Variants in HYAL4 observed in about 807,000 individuals in gnomAD.
The protein encoded by HYAL4 is hyaluronidase-4.
A neutral mutation model predicts 35.2 loss-of-function variants in HYAL4; 37 were observed. The observed-to-expected ratio is 1.05, with a 90% CI of 0.81 to 1.38. The LOEUF is 1.38. Among genes scored for constraint, HYAL4 ranks in the 40% most tolerant of loss-of-function variants. HYAL4 has a pLI of 0.00. For synonymous variants in HYAL4, 198 were observed against 203.2 expected (o/e 0.97, Z 0.22); for missense variants, 572 against 572.4 (o/e 1.00, Z 0.01).
At chr7:123,855,685 C>T (rs1398143937) in intron 2 of HYAL4, among the ~76,000 whole-genome samples, 1 of 152,016 alleles carries the variant, frequency 6.6e-6, no homozygotes, top group African/African-American at 2.4e-5. Context: ...CTTGGGGTTG[C>T]TCTTCTCGAG....
chr7:123,858,944 A>G (rs1806520743), intron 2 of HYAL4, among the ~76,000 whole-genome samples: 3 of 152,204 alleles, frequency 2.0e-5, no homozygotes, highest in Admixed American at 2.0e-4. Context: ...GACGTAATTC[A>G]AAGAAAGCAA....
At chr7:123,857,860 G>T (rs1806489009) in intron 2 of HYAL4, among the ~76,000 whole-genome samples, 5 of 152,016 alleles carry the variant, frequency 3.3e-5, no homozygotes, top group Non-Finnish European at 7.4e-5. Flanking sequence ...TATCCAGAAG[G>T]TGTACTTGAA....
rs567937127 is a variant in HYAL4 at position 123,859,120 on chromosome 7, T to C, written c.-51-9103T>C. Among the ~76,000 whole-genome samples the C allele has an allele frequency of 2.8e-4, 42 of 152,286 alleles. No homozygotes were observed. The East Asian group carries it at 6.4e-3, about 23-fold the overall frequency. ...GAAGAAAATCCAAGGAAAAAAGTTATCTGATGCTGAAGAAGTTAACAAGCA... is the reference window on the plus strand; with the variant it reads ...GAAGAAAATCCAAGGAAAAAAGTTACCTGATGCTGAAGAAGTTAACAAGCA... On this transcript the variant is annotated intron_variant, in intron 2 of 4. Transcript: ENST00000223026.
At chr7:123,838,271 A>G (rs1364639264) in intron 1 of HYAL4, among the ~76,000 whole-genome samples, 1 of 150,682 alleles carries the variant, frequency 6.6e-6, no homozygotes, top group East Asian at 1.9e-4. Flanking sequence ...AATCAACAGA[A>G]TTATATACAA....
At chr7:123,768,296 T>C in the HYAL4 span, among the ~76,000 whole-genome samples, 3 of 152,226 alleles carry the variant, frequency 2.0e-5, no homozygotes, top group African/African-American at 7.2e-5. Context: ...ATCTCAATAA[T>C]GTAAGCAACC....
chr7:123,801,379 T>G, the HYAL4 span, among the ~76,000 whole-genome samples: 1 of 152,218 alleles, frequency 6.6e-6, no homozygotes, highest in Non-Finnish European at 1.5e-5. Context: ...TTTCCATCCA[T>G]GTACTTTAAT....
the HYAL4 span, among the ~76,000 whole-genome samples, chr7:123,774,154 G>A: frequency 6.6e-6 from 1 of 152,040 alleles, no homozygotes; most frequent in African/African-American, 2.4e-5. Flanking sequence ...TCCTACCCCA[G>A]CCTCCCAATT....
intron 2 of HYAL4, among the ~76,000 whole-genome samples, chr7:123,862,656 G>A (rs1806600580): frequency 6.6e-6 from 1 of 151,954 alleles, no homozygotes; most frequent in African/African-American, 2.4e-5. Context: ...TTTCCTTTGT[G>A]GTGATTATTT....
At chr7:123,859,146 A>G (rs1290569128) in intron 2 of HYAL4, among the ~76,000 whole-genome samples, 1 of 152,182 alleles carries the variant, frequency 6.6e-6, no homozygotes, top group Non-Finnish European at 1.5e-5. Flanking sequence ...TTAACAAGCA[A>G]TCTAGCTTCC....
At chr7:123,871,001 A>G (rs529601545) in intron 3 of HYAL4, among the ~76,000 whole-genome samples, 1 of 152,256 alleles carries the variant, frequency 6.6e-6, no homozygotes, top group Admixed American at 6.5e-5. Context: ...ACATTCTGTG[A>G]ACCTGGTATA....
Position 123,876,731 on chromosome 7 carries a change from T to C in HYAL4, c.1045-23T>C, listed in dbSNP as rs755193679. 10 of 1,599,420 alleles carry C rather than the reference T, an allele frequency of 6.3e-6. No homozygotes were observed. The African/African-American group carries it at 8.1e-5, about 13-fold the overall frequency. On this transcript the variant is annotated intron_variant, in intron 4 of 4. Transcript: ENST00000223026. ...TTCTACCAGGGAGAACACACTAAAATTGATTTCTTCCTACATTTCTAGGCC... is the reference window on the plus strand; with the variant it reads ...TTCTACCAGGGAGAACACACTAAAACTGATTTCTTCCTACATTTCTAGGCC...
the HYAL4 span, among the ~76,000 whole-genome samples, chr7:123,781,980 C>T: frequency 6.6e-6 from 1 of 152,100 alleles, no homozygotes; most frequent in African/African-American, 2.4e-5. Flanking sequence ...GTTCCTGGCT[C>T]ACTGCAGCCT....
At chr7:123,774,283 C>G in the HYAL4 span, among the ~76,000 whole-genome samples, 2 of 152,190 alleles carry the variant, frequency 1.3e-5, no homozygotes, top group Non-Finnish European at 2.9e-5. Flanking sequence ...AAGCAATCCT[C>G]CCACCTCGGC....
At chr7:123,787,989 G>A in the HYAL4 span, among the ~76,000 whole-genome samples, 10 of 152,042 alleles carry the variant, frequency 6.6e-5, no homozygotes, top group South Asian at 2.1e-4. Context: ...ATGGGTCTTC[G>A]GCACTCAACA....
intron 1 of HYAL4, among the ~76,000 whole-genome samples, chr7:123,831,091 G>A (rs1805877511): frequency 6.6e-6 from 1 of 152,172 alleles, no homozygotes; most frequent in Admixed American, 6.6e-5. Context: ...CCTAATGGGA[G>A]GTGTTTGGAT....
At chr7:123,768,948 GT>G in the HYAL4 span, among the ~76,000 whole-genome samples, 5 of 152,148 alleles carry the variant, frequency 3.3e-5, no homozygotes, top group Non-Finnish European at 5.9e-5. Flanking sequence ...GTCTGTTTCT[GT>G]TTTCAGAGAC....
At position 123,877,240 on chromosome 7, in the gene HYAL4, T is replaced by G; in HGVS notation, c.*85T>G. 7.9e-7 allele frequency: 1 copy of G among 1,262,326 alleles called. No homozygotes were observed. The highest frequency in any genetic ancestry group is 1.1e-6 in the Non-Finnish European group (1 of 907,108). The allele number at this position is 1,262,326 out of a possible 1,614,324, so 78.2% of individuals were successfully genotyped here. ...AACTTATAACATTTTTTTTCTCTTATGAATTCTATTGAGAGATATTATAAG... is the reference window on the plus strand; with the variant it reads ...AACTTATAACATTTTTTTTCTCTTAGGAATTCTATTGAGAGATATTATAAG... On this transcript the variant is annotated 3_prime_UTR_variant, in exon 5 of 5. Coordinates refer to ENST00000223026, the MANE Select transcript of HYAL4 (RefSeq NM_012269.3).
the HYAL4 span, among the ~76,000 whole-genome samples, chr7:123,764,662 CTA>C: frequency 6.6e-6 from 1 of 152,160 alleles, no homozygotes; most frequent in African/African-American, 2.4e-5. Flanking sequence ...TTGTAGCTCT[CTA>C]TCTCTTTTTC....
the HYAL4 span, among the ~76,000 whole-genome samples, chr7:123,793,219 CA>C: frequency 6.6e-6 from 1 of 152,178 alleles, no homozygotes. Context: ...TGATCTGGTC[CA>C]AAATATTCCT....
Sources: allele counts gnomAD v4.1 joint callset (sites outside exome capture counted in the v4.1 genomes callset), GRCh38; gene constraint gnomAD v4.1.1; transcripts MANE v1.5; gene names NCBI Gene and HGNC (gene_info 2026-07-23, HGNC 2026-07-21).